The following FCHSD2 variants were observed in gnomAD, a reference collection of about 807,000 sequenced individuals.
The protein encoded by FCHSD2 is F-BAR and double SH3 domains protein 2.
FCHSD2 carries 38 observed loss-of-function variants against 108.1 expected under a neutral mutation model. The ratio of observed to expected loss-of-function variants is 0.35; its 90% CI spans 0.27 to 0.46. FCHSD2 has a LOEUF of 0.46. FCHSD2 is among the 20% of genes least tolerant of loss of function. The pLI, the probability that FCHSD2 is intolerant of heterozygous loss-of-function variation, is 1.00. For missense variants in FCHSD2, 751 were observed against 897.8 expected, an observed-to-expected ratio of 0.84 and a Z score of 2.09; for synonymous variants, 279 against 314.7, an observed-to-expected ratio of 0.89 and a Z score of 1.20.
At chr11:72,953,339 C>A (rs148694719) in intron 8 of FCHSD2, among the ~76,000 whole-genome samples, 476 of 152,206 alleles carry the variant, frequency 3.1e-3, no homozygotes, top group African/African-American at 0.011. Context: ...TTCACAATTT[C>A]TTTTTCAAAA....
chr11:73,033,545 C>T (rs748824328), intron 3 of FCHSD2, among the ~76,000 whole-genome samples: 4 of 152,152 alleles, frequency 2.6e-5, no homozygotes, highest in South Asian at 4.1e-4. Context: ...AATTATAGGG[C>T]GCTACACAAG....
At chr11:72,854,666 T>G (rs1861375790) in intron 13 of FCHSD2, among the ~76,000 whole-genome samples, 2 of 152,182 alleles carry the variant, frequency 1.3e-5, no homozygotes. Flanking sequence ...TTGAGGCCAT[T>G]ATGCTAAGTG....
chr11:72,982,670 T>G (rs1040468763), intron 8 of FCHSD2, among the ~76,000 whole-genome samples: 14 of 152,156 alleles, frequency 9.2e-5, no homozygotes, highest in African/African-American at 3.4e-4. Flanking sequence ...CTAGATCAAG[T>G]TTGGGTACAC....
chr11:73,101,497 T>C (rs1453181278), intron 2 of FCHSD2, among the ~76,000 whole-genome samples: 1 of 152,096 alleles, frequency 6.6e-6, no homozygotes, highest in Non-Finnish European at 1.5e-5. Context: ...TGGAGTGCAG[T>C]GGTATGATCA....
intron 3 of FCHSD2, among the ~76,000 whole-genome samples, chr11:73,055,296 TCACCC>T (rs1858998785): frequency 6.6e-6 from 1 of 150,538 alleles, no homozygotes; most frequent in African/African-American, 2.5e-5. Flanking sequence ...TTAGCCATGA[TCACCC>T]CACTGGACTC....
chr11:73,104,887 T>C (rs1327316941), intron 2 of FCHSD2, among the ~76,000 whole-genome samples: 1 of 152,202 alleles, frequency 6.6e-6, no homozygotes, highest in Non-Finnish European at 1.5e-5. Context: ...AAGAGAGCTA[T>C]AGTACCAAAT....
intron 2 of FCHSD2, among the ~76,000 whole-genome samples, chr11:73,135,894 T>C (rs570894555): frequency 6.6e-6 from 1 of 152,324 alleles, no homozygotes; most frequent in South Asian, 2.1e-4. Flanking sequence ...GCAGCAGTAG[T>C]GGCTCATTTC....
At chr11:72,876,385 AC>A in intron 12 of FCHSD2, among the ~76,000 whole-genome samples, 1 of 152,146 alleles carries the variant, frequency 6.6e-6, no homozygotes, top group East Asian at 1.9e-4. Context: ...CAGATAATAA[AC>A]CACTGTTATT....
At chr11:73,039,957 A>G (rs1299274979) in intron 3 of FCHSD2, among the ~76,000 whole-genome samples, 1 of 152,222 alleles carries the variant, frequency 6.6e-6, no homozygotes, top group Non-Finnish European at 1.5e-5. Flanking sequence ...AACTATACCA[A>G]AGATGATATG....
chr11:72,961,348 C>G (rs1217295510), intron 8 of FCHSD2, among the ~76,000 whole-genome samples: 1 of 152,058 alleles, frequency 6.6e-6, no homozygotes, highest in Non-Finnish European at 1.5e-5. Flanking sequence ...CTCAGACTTC[C>G]AAGTAGCTAG....
intron 13 of FCHSD2, among the ~76,000 whole-genome samples, chr11:72,850,367 G>A (rs184156001): frequency 6.6e-6 from 1 of 151,824 alleles, no homozygotes; most frequent in South Asian, 2.1e-4. Flanking sequence ...ACCAGGCCTA[G>A]GACAGAGATT....
intron 3 of FCHSD2, among the ~76,000 whole-genome samples, chr11:73,025,891 G>C (rs1273469219): frequency 6.6e-6 from 1 of 152,094 alleles, no homozygotes; most frequent in African/African-American, 2.4e-5. Flanking sequence ...ACATATACCA[G>C]TAGGTATGTG....
rs556480640 is a variant in FCHSD2, at chr11:72,985,719, C to A, written c.522-603G>T. ...TCTGCCCTGTATGATGTAATCTTCT[C>A]CCACTCTTGGGTTCTTATTTCCCTT... On this transcript the variant is annotated intron_variant, in intron 6 of 19. Coordinates refer to ENST00000409418, the MANE Select transcript of FCHSD2 (RefSeq NM_014824.3). 1.2e-3 allele frequency among the ~76,000 whole-genome samples: 185 copies of A among 152,326 alleles called. 1 individual carries two copies. Among genetic ancestry groups the A allele is most frequent in the Non-Finnish European group, 1.9e-3 (132 of 68,022 alleles).
At chr11:72,852,036 C>G (rs1861303337) in intron 13 of FCHSD2, among the ~76,000 whole-genome samples, 1 of 151,898 alleles carries the variant, frequency 6.6e-6, no homozygotes. Context: ...ACCACCACAC[C>G]TGGCTAATTT....
intron 2 of FCHSD2, among the ~76,000 whole-genome samples, chr11:73,116,243 C>A (rs1171477085): frequency 6.6e-6 from 1 of 152,004 alleles, no homozygotes; most frequent in Non-Finnish European, 1.5e-5. Flanking sequence ...TATAAAAACC[C>A]AATTTCATTA....
chr11:72,944,160 G>A (rs1056313694), intron 8 of FCHSD2, among the ~76,000 whole-genome samples: 2 of 152,070 alleles, frequency 1.3e-5, no homozygotes, highest in African/African-American at 4.8e-5. Context: ...ATAAAATACT[G>A]GCAAACTGAA....
intron 2 of FCHSD2, among the ~76,000 whole-genome samples, chr11:73,089,931 G>T (rs1565405051): frequency 1.3e-5 from 2 of 152,072 alleles, no homozygotes; most frequent in Non-Finnish European, 2.9e-5. Flanking sequence ...CTTACCAGAT[G>T]TTAAAAATTA....
intron 5 of FCHSD2, among the ~76,000 whole-genome samples, chr11:72,992,827 C>T (rs989178533): frequency 5.3e-5 from 8 of 152,268 alleles, no homozygotes; most frequent in African/African-American, 1.9e-4. Flanking sequence ...CTAGGCAATA[C>T]CATTCAGGAC....
intron 3 of FCHSD2, among the ~76,000 whole-genome samples, chr11:73,051,735 C>T (rs1858901723): frequency 6.6e-6 from 1 of 151,870 alleles, no homozygotes; most frequent in Non-Finnish European, 1.5e-5. Flanking sequence ...ACATTCAAAA[C>T]AACAAAAAAA....
Sources: allele counts gnomAD v4.1 joint callset (sites outside exome capture counted in the v4.1 genomes callset), GRCh38; gene constraint gnomAD v4.1.1; transcripts MANE v1.5; gene names NCBI Gene and HGNC (gene_info 2026-07-23, HGNC 2026-07-21).